Variants in RBFOX1 observed in about 807,000 individuals in gnomAD.
The protein encoded by RBFOX1 is RNA binding protein fox-1 homolog 1.
In RBFOX1, 8 loss-of-function variants were observed where a neutral mutation model predicts 57.7. The ratio of observed to expected loss-of-function variants is 0.14; its 90% confidence interval spans 0.08 to 0.25. The LOEUF (loss-of-function observed/expected upper bound fraction) is 0.25, where lower values mean the gene tolerates loss of function less well. RBFOX1 is among the 10% of genes least tolerant of loss of function. RBFOX1 has a pLI of 1.00. For missense variants in RBFOX1, 611 were observed against 548.5 expected, an observed-to-expected ratio of 1.11 and a Z score of -1.14; for synonymous variants, 326 against 222.4, an observed-to-expected ratio of 1.47 and a Z score of -4.15.
chr16:7,459,620 C>G (rs1283501629), intron 4 of RBFOX1, among the ~76,000 whole-genome samples: 1 of 152,142 alleles, frequency 6.6e-6, no homozygotes, highest in Non-Finnish European at 1.5e-5. Context: ...GGGGACAGTT[C>G]TAGTTTAAAA....
intron 4 of RBFOX1, among the ~76,000 whole-genome samples, chr16:5,973,719 A>G (rs1472579191): frequency 6.6e-6 from 1 of 152,212 alleles, no homozygotes; most frequent in Non-Finnish European, 1.5e-5. Context: ...AAACAATAAT[A>G]CATTTATTTG....
rs1327275264 is a variant in RBFOX1, at chr16:5,784,955, G to C, written c.319-82348G>C. 2.0e-5 allele frequency among the ~76,000 whole-genome samples: 3 copies of C among 152,250 alleles called. No individual in the cohort carries two copies. The East Asian group carries it at 5.8e-4, about 29-fold the overall frequency. ...TAAGCTACCCAGTGTATGGTATTTT[G>C]TCATAGCAGCCCAAACAGACTAAGA... On this transcript the variant is annotated intron_variant, in intron 3 of 19. Coordinates refer to the RBFOX1 transcript ENST00000641259.
chr16:5,786,209 G>C (rs1277752245), intron 3 of RBFOX1, among the ~76,000 whole-genome samples: 2 of 152,154 alleles, frequency 1.3e-5, no homozygotes, highest in African/African-American at 4.8e-5. Flanking sequence ...AGTATGCATA[G>C]TCTTTCTCAC....
At chr16:7,220,206 G>C (rs1603323351) in intron 4 of RBFOX1, among the ~76,000 whole-genome samples, 5 of 152,200 alleles carry the variant, frequency 3.3e-5, no homozygotes, top group Admixed American at 3.3e-4. Context: ...GACATTAGCA[G>C]ACAGCATGCT....
chr16:6,042,557 A>G (rs1327815779), intron 1 of RBFOX1, among the ~76,000 whole-genome samples: 3 of 152,284 alleles, frequency 2.0e-5, no homozygotes. Context: ...GTTTTTGGGA[A>G]TAGGAGGTAG....
chr16:6,413,145 C>A (rs370821877), intron 2 of RBFOX1, among the ~76,000 whole-genome samples: 2 of 152,026 alleles, frequency 1.3e-5, no homozygotes, highest in Non-Finnish European at 1.5e-5. Flanking sequence ...CATGGAGAAA[C>A]CCTGTCTCTA....
chr16:5,906,100 A>G (rs1416340173), intron 4 of RBFOX1, among the ~76,000 whole-genome samples: 2 of 152,100 alleles, frequency 1.3e-5, no homozygotes. Context: ...GCTGGCAGCA[A>G]ACACCTCAAC....
chr16:6,964,610 C>T (rs1246879529), intron 3 of RBFOX1, among the ~76,000 whole-genome samples: 1 of 152,068 alleles, frequency 6.6e-6, no homozygotes, highest in Non-Finnish European at 1.5e-5. Context: ...ACCTAATACT[C>T]CTCTAAAAAA....
At chr16:6,864,349 A>G (rs538053939) in intron 3 of RBFOX1, among the ~76,000 whole-genome samples, 1 of 152,308 alleles carries the variant, frequency 6.6e-6, no homozygotes, top group Admixed American at 6.5e-5. Context: ...TTTGAAAAAC[A>G]ATAATAATTT....
rs1008460922 is a variant in RBFOX1, at chr16:5,946,005, C to T, written c.351+78670C>T. On this transcript the variant is annotated intron_variant, in intron 4 of 19. Transcript: ENST00000641259. The surrounding 1 kb of genome is among the most constrained non-coding windows in gnomAD (Gnocchi z 4.6). The stretch of plus-strand genomic sequence containing the variant: ...GGGAATGGAACATCCACACCGGCGT[C>T]CACATTGGGTTTAAAAAGAGAAAAG... 2.6e-5 allele frequency among the ~76,000 whole-genome samples: 4 copies of T among 152,176 alleles called. No individual in the cohort carries two copies. The highest frequency in any genetic ancestry group is 2.4e-5 in the African/African-American group (1 of 41,428).
chr16:6,607,809 G>A (rs2097963830), intron 2 of RBFOX1, among the ~76,000 whole-genome samples: 3 of 152,196 alleles, frequency 2.0e-5, no homozygotes, highest in Admixed American at 2.0e-4. Flanking sequence ...ACATCCTAAT[G>A]AGCGATCATA....
chr16:6,815,816 C>T (rs912223614), intron 3 of RBFOX1, among the ~76,000 whole-genome samples: 6 of 152,154 alleles, frequency 3.9e-5, no homozygotes, highest in Non-Finnish European at 2.9e-5. Context: ...TTAATAGTTA[C>T]TTTAAGAGGA....
intron 2 of RBFOX1, among the ~76,000 whole-genome samples, chr16:6,557,318 C>T (rs1172370182): frequency 1.3e-5 from 2 of 151,812 alleles, no homozygotes; most frequent in Non-Finnish European, 2.9e-5. Flanking sequence ...CTTGCTTTCA[C>T]AGTGGGGAGA....
intron 2 of RBFOX1, among the ~76,000 whole-genome samples, chr16:5,526,886 T>G (rs922763459): frequency 4.6e-5 from 7 of 152,214 alleles, no homozygotes; most frequent in Non-Finnish European, 1.5e-5. Context: ...GCTGGCTGTT[T>G]GTGTGACCTT....
chr16:7,005,385 G>C (rs763703010), intron 3 of RBFOX1, among the ~76,000 whole-genome samples: 5 of 152,092 alleles, frequency 3.3e-5, no homozygotes, highest in Non-Finnish European at 7.4e-5. Context: ...GGATGGCAAG[G>C]AAACATCCCA....
chr16:6,270,025 CAA>C (rs2075014566), intron 1 of RBFOX1, among the ~76,000 whole-genome samples: 2 of 152,104 alleles, frequency 1.3e-5, no homozygotes, highest in South Asian at 4.2e-4. Context: ...CAGGCTGTGA[CAA>C]GTTATGTATG....
chr16:7,397,511 G>A (rs1176323616), intron 4 of RBFOX1, among the ~76,000 whole-genome samples: 1 of 152,122 alleles, frequency 6.6e-6, no homozygotes, highest in Admixed American at 6.6e-5. Context: ...AGAACCCACT[G>A]GTGACAGAGG....
chr16:7,182,724 C>G (rs944140464), intron 4 of RBFOX1, among the ~76,000 whole-genome samples: 1 of 151,716 alleles, frequency 6.6e-6, no homozygotes, highest in African/African-American at 2.4e-5. Flanking sequence ...TGGACAGCAT[C>G]TCTTTCATTT....
chr16:6,121,156 CT>C (rs2096546083), intron 1 of RBFOX1, among the ~76,000 whole-genome samples: 1 of 152,174 alleles, frequency 6.6e-6, no homozygotes, highest in South Asian at 2.1e-4. Flanking sequence ...AGGCACAGCC[CT>C]GCCAACCCAT....
Sources: allele counts gnomAD v4.1 joint callset (sites outside exome capture counted in the v4.1 genomes callset), GRCh38; gene constraint gnomAD v4.1.1; non-coding constraint Gnocchi (gnomAD v3.1); transcripts MANE v1.5; gene names NCBI Gene and HGNC (gene_info 2026-07-23, HGNC 2026-07-21).